CPE: variants seen among roughly 807,000 people sequenced by gnomAD.
CPE encodes the protein carboxypeptidase E.
A neutral mutation model predicts 53.5 loss-of-function variants in CPE; 17 were observed. That is an observed-to-expected ratio of 0.32 (90% CI 0.22 to 0.48). The LOEUF (loss-of-function observed/expected upper bound fraction) is 0.48, where lower values mean the gene tolerates loss of function less well. Ranked by LOEUF, CPE falls within the 20% of genes least tolerant of loss-of-function variation. The pLI is 0.99. For synonymous variants in CPE, 226 were observed against 228.8 expected, an observed-to-expected ratio of 0.99 and a Z score of 0.11; for missense variants, 524 against 614.7, an observed-to-expected ratio of 0.85 and a Z score of 1.56.
intron 1 of CPE, among the ~76,000 whole-genome samples, chr4:165,462,529 C>T (rs1732026454): frequency 6.6e-6 from 1 of 151,854 alleles, no homozygotes; most frequent in African/African-American, 2.4e-5. Context: ...TGGCTACTTG[C>T]TCTCTCTCTC....
intron 1 of CPE, among the ~76,000 whole-genome samples, chr4:165,431,134 G>T (rs1731401564): frequency 6.6e-6 from 1 of 152,136 alleles, no homozygotes; most frequent in Non-Finnish European, 1.5e-5. Context: ...CCTATAAGCT[G>T]CATTTTACTA....
rs564690637 is a variant in CPE, at chr4:165,388,072, A to G, written c.307+8544A>G. Among the ~76,000 whole-genome samples, 5 of 152,314 alleles carry G rather than the reference A, an allele frequency of 3.3e-5. No homozygotes were observed. The South Asian group carries it at 6.2e-4, about 19-fold the overall frequency. On this transcript the variant is annotated intron_variant, in intron 1 of 8. Coordinates refer to ENST00000402744, the MANE Select transcript of CPE (RefSeq NM_001873.4). ...GGACCTATCCAATTTCTCTTCCTAT[A>G]CAGGCGAAAGTATTTAAAATCATAA...
Position 165,379,202 on chromosome 4 carries a change from G to A in CPE, c.-20G>A. 2 of 1,222,844 alleles carry A rather than the reference G, an allele frequency of 1.6e-6. No individual in the cohort carries two copies. Among genetic ancestry groups the A allele is most frequent in the Non-Finnish European group, 2.0e-6 (2 of 983,818 alleles). The allele number at this position is 1,222,844 out of a possible 1,614,324, so 75.7% of individuals were successfully genotyped here. On this transcript the variant is annotated 5_prime_UTR_variant, in exon 1 of 9. Transcript: ENST00000402744. This position sits in a 1 kb window ranked among gnomAD's most constrained non-coding sequence, Gnocchi z 6.0. ...GCCGCCCGCGTAGGAAGGCACGGCC[G>A]GCGGCGGCGGAGCGCAGCGATGGCC...
At chr4:165,387,723 C>T (rs192660543) in intron 1 of CPE, among the ~76,000 whole-genome samples, 2 of 152,116 alleles carry the variant, frequency 1.3e-5, no homozygotes, top group Admixed American at 1.3e-4. Context: ...GCAGGAGAAT[C>T]GCTTGAACCT....
At chr4:165,451,931 G>T (rs575236443) in intron 1 of CPE, among the ~76,000 whole-genome samples, 1 of 143,082 alleles carries the variant, frequency 7.0e-6, no homozygotes, top group African/African-American at 2.6e-5. Flanking sequence ...CCCAACCCCC[G>T]TTTTTTTTTT....
At chr4:165,441,937 T>G (rs1731617554) in intron 1 of CPE, among the ~76,000 whole-genome samples, 1 of 152,182 alleles carries the variant, frequency 6.6e-6, no homozygotes, top group Non-Finnish European at 1.5e-5. Context: ...TGTAAATTCT[T>G]GCTATTTAAA....
At chr4:165,381,398 AG>A in intron 1 of CPE, 1 of 440,292 alleles carries the variant, frequency 2.3e-6, no homozygotes, top group Non-Finnish European at 4.6e-6. Context: ...CTGAATATGC[AG>A]TGTGGAAAAA....
intron 1 of CPE, among the ~76,000 whole-genome samples, chr4:165,389,348 T>G (rs1292723822): frequency 6.6e-6 from 1 of 152,244 alleles, no homozygotes; most frequent in East Asian, 1.9e-4. Context: ...TTTCTTGTTT[T>G]TACTTCTACT....
intron 3 of CPE, among the ~76,000 whole-genome samples, chr4:165,472,078 C>T (rs992008196): frequency 6.6e-6 from 1 of 152,114 alleles, no homozygotes; most frequent in African/African-American, 2.4e-5. Flanking sequence ...GTAAATAGCT[C>T]AAAAGAAAGT....
intron 1 of CPE, among the ~76,000 whole-genome samples, chr4:165,407,859 CT>C (rs35254759): frequency 2.1e-3 from 305 of 144,586 alleles, no homozygotes; most frequent in Middle Eastern, 3.6e-3. Flanking sequence ...CCCGACCCAA[CT>C]TTTTTTTTTT....
At chr4:165,458,964 G>A (rs975221183) in intron 1 of CPE, among the ~76,000 whole-genome samples, 4 of 152,168 alleles carry the variant, frequency 2.6e-5, no homozygotes, top group Admixed American at 6.5e-5. Context: ...CTACTGACAT[G>A]TGGACTTCTG....
intron 3 of CPE, 123 bp downstream of exon 3, chr4:165,467,978 G>T (rs1367287457): frequency 1.8e-6 from 2 of 1,113,300 alleles, no homozygotes; most frequent in South Asian, 3.4e-5. Flanking sequence ...GTTAACTGTG[G>T]CTTTAAGTCA....
chr4:165,461,894 A>T (rs16999552), intron 1 of CPE, among the ~76,000 whole-genome samples: 4 of 152,336 alleles, frequency 2.6e-5, no homozygotes, highest in African/African-American at 7.2e-5. Context: ...GTTATTCCTG[A>T]GGACAGAAGG....
intron 1 of CPE, among the ~76,000 whole-genome samples, chr4:165,397,444 G>C (rs1277718740): frequency 6.6e-6 from 1 of 152,122 alleles, no homozygotes; most frequent in Non-Finnish European, 1.5e-5. Flanking sequence ...TCTTAAATAC[G>C]CAATTCGGTA....
intron 1 of CPE, among the ~76,000 whole-genome samples, chr4:165,430,055 A>T (rs1731383596): frequency 6.6e-6 from 1 of 152,228 alleles, no homozygotes; most frequent in South Asian, 2.1e-4. Context: ...AAAAAATAAA[A>T]ATAAAAATAA....
intron 3 of CPE, among the ~76,000 whole-genome samples, chr4:165,475,508 T>C (rs1380043994): frequency 6.6e-6 from 1 of 152,106 alleles, no homozygotes; most frequent in Non-Finnish European, 1.5e-5. Flanking sequence ...AAGGAGTGTG[T>C]GTTTAAGAAG....
At chr4:165,418,863 A>G (rs2126672372) in intron 1 of CPE, among the ~76,000 whole-genome samples, 1 of 152,314 alleles carries the variant, frequency 6.6e-6, no homozygotes, top group South Asian at 2.1e-4. Flanking sequence ...TTGAAAGTTG[A>G]GAAAATATAG....
At chr4:165,424,029 A>G (rs944706337) in intron 1 of CPE, among the ~76,000 whole-genome samples, 11 of 151,422 alleles carry the variant, frequency 7.3e-5, no homozygotes, top group South Asian at 2.1e-4. Flanking sequence ...GACCTGTTGT[A>G]AGCAGGTGGA....
chr4:165,407,552 CT>C (rs76162453), intron 1 of CPE, among the ~76,000 whole-genome samples: 230 of 141,044 alleles, frequency 1.6e-3, no homozygotes, highest in Non-Finnish European at 1.8e-3. Flanking sequence ...TCAATTTTTT[CT>C]TTTTTTTTTT....
Sources: gnomAD v4.1 joint callset for allele counts (sites outside exome capture counted in the v4.1 genomes callset) on GRCh38, gnomAD v4.1.1 for gene constraint, Gnocchi (gnomAD v3.1) non-coding constraint, MANE v1.5 for transcripts, NCBI Gene and HGNC (gene_info 2026-07-23, HGNC 2026-07-21) for gene names.